Variants in DNAH9 observed in about 807,000 individuals in gnomAD.
DNAH9 encodes the protein DNAH9 variant protein.
Under a neutral mutation model 471.6 loss-of-function variants are expected in DNAH9, and 345 were observed. The observed-to-expected ratio is 0.73, with a 90% CI of 0.67 to 0.80. The LOEUF is 0.80. DNAH9 is among the 30% of genes least tolerant of loss of function. DNAH9 has a pLI of 0.00. For missense variants in DNAH9, 5,407 were observed against 5,609.2 expected, an observed-to-expected ratio of 0.96 and a Z score of 1.15; for synonymous variants, 2,093 against 2,123.6, an observed-to-expected ratio of 0.99 and a Z score of 0.40.
chr17:11,871,811 G>T, intron 52 of DNAH9, 25 bp downstream of exon 52: 2 of 1,609,724 alleles, frequency 1.2e-6, no homozygotes, highest in South Asian at 2.2e-5. Flanking sequence ...AATTTCTCCC[G>T]ACCACATCAG....
At chr17:11,817,289 T>G (rs904862556) in intron 45 of DNAH9, among the ~76,000 whole-genome samples, 2 of 152,204 alleles carry the variant, frequency 1.3e-5, no homozygotes, top group African/African-American at 4.8e-5. Flanking sequence ...CAGAGGTGTT[T>G]ATCTCCAGAT....
intron 28 of DNAH9, among the ~76,000 whole-genome samples, chr17:11,728,407 A>T (rs2075194023): frequency 6.6e-6 from 1 of 152,078 alleles, no homozygotes; most frequent in South Asian, 2.1e-4. Context: ...GATTTTATGT[A>T]AGCATGCCCC....
chr17:11,620,620 C>A (rs1216386703), intron 6 of DNAH9, among the ~76,000 whole-genome samples: 1 of 151,952 alleles, frequency 6.6e-6, no homozygotes, highest in African/African-American at 2.4e-5. Flanking sequence ...GATCATAGAC[C>A]CATTTAGGAA....
chr17:11,833,996 A>G (rs1226933817), intron 48 of DNAH9, among the ~76,000 whole-genome samples: 1 of 152,184 alleles, frequency 6.6e-6, no homozygotes. Flanking sequence ...ATAGCTACCA[A>G]TGTCAGTGAG....
rs955635632 is a variant in DNAH9 at position 11,797,562 on chromosome 17, T to C, written c.8224-35T>C. The C allele has an allele frequency of 1.9e-6, 3 of 1,566,150 alleles. 1 individual carries two copies. ...CTGTGGAACCAGCCCCAGAAGTCAA[T>C]AATGAGGGCCCTTATTCCTGTGTCT... On this transcript the variant is annotated intron_variant, in intron 42 of 68. Coordinates refer to ENST00000262442, the MANE Select transcript of DNAH9 (RefSeq NM_001372.4).
intron 53 of DNAH9, among the ~76,000 whole-genome samples, chr17:11,875,446 C>T (rs1393380697): frequency 6.6e-6 from 1 of 152,178 alleles, no homozygotes; most frequent in East Asian, 1.9e-4. Context: ...CCCTTGAGCT[C>T]ATCCTCTCAT....
intron 49 of DNAH9, among the ~76,000 whole-genome samples, chr17:11,847,958 C>T (rs977980180): frequency 6.6e-6 from 1 of 151,846 alleles, no homozygotes; most frequent in African/African-American, 2.4e-5. Flanking sequence ...AGGGCTCCTT[C>T]TCCAGAGGGC....
At chr17:11,820,419 T>A (rs1027614751) in intron 45 of DNAH9, among the ~76,000 whole-genome samples, 4 of 151,818 alleles carry the variant, frequency 2.6e-5, no homozygotes, top group African/African-American at 9.7e-5. Flanking sequence ...AAAAAAAAAA[T>A]AAGGTGTAGT....
At chr17:11,658,972 G>A (rs549895677) in intron 14 of DNAH9, among the ~76,000 whole-genome samples, 3 of 152,044 alleles carry the variant, frequency 2.0e-5, no homozygotes, top group East Asian at 3.9e-4. Flanking sequence ...TGATGTTCTT[G>A]TTTCGGTGTT....
At chr17:11,675,665 C>G (rs1322769175) in intron 17 of DNAH9, among the ~76,000 whole-genome samples, 1 of 152,130 alleles carries the variant, frequency 6.6e-6, no homozygotes, top group South Asian at 2.1e-4. Context: ...AAAATTGTAT[C>G]AAGTGTTTTA....
intron 6 of DNAH9, among the ~76,000 whole-genome samples, chr17:11,621,775 G>C (rs2072872078): frequency 6.6e-6 from 1 of 152,096 alleles, no homozygotes. Context: ...GGGATATACT[G>C]ACTGCTATCA....
chr17:11,644,527 C>T, intron 10 of DNAH9, 104 bp from the exon 11 acceptor site: 1 of 808,336 alleles, frequency 1.2e-6, no homozygotes, highest in Non-Finnish European at 2.0e-6. Context: ...GGAAACGAGC[C>T]AAGGAGCTAT....
chr17:11,818,936 T>C (rs1970209346), intron 45 of DNAH9, among the ~76,000 whole-genome samples: 1 of 151,460 alleles, frequency 6.6e-6, no homozygotes, highest in South Asian at 2.1e-4. Context: ...TTTTCCTCCA[T>C]TATTACCATT....
At chr17:11,611,316 C>T (rs2072632380) in intron 3 of DNAH9, among the ~76,000 whole-genome samples, 1 of 152,228 alleles carries the variant, frequency 6.6e-6, no homozygotes, top group African/African-American at 2.4e-5. Flanking sequence ...TACTGCAAGG[C>T]CCTTCTCTTA....
chr17:11,962,246 G>A lies in DNAH9; in HGVS notation c.13223G>A (p.Trp4408Ter). ...IHGLFMEGAC[W>*]DTQAGIITEA... ...GGCCTCTTCATGGAAGGTGCCTGCT[G>A]GGACACACAGGTAAAGCTTGGAATG... Residue 4408 changes from tryptophan (W) to a stop codon, truncating the protein, a stop_gained, in exon 68 of 69, where the codon TGG becomes TAG. Coordinates refer to ENST00000262442, the MANE Select transcript of DNAH9 (RefSeq NM_001372.4). LOFTEE classifies it high-confidence loss of function. The surrounding 1 kb of genome is among the most constrained non-coding windows in gnomAD (Gnocchi z 4.1). 6.2e-7 allele frequency: 1 copy of A among 1,603,156 alleles called. No homozygotes were observed. Among genetic ancestry groups the A allele is most frequent in the African/African-American group, 1.3e-5 (1 of 74,776 alleles).
In DNAH9 at chr17:11,619,765, A is replaced by T. The variant is rs9892256; in HGVS notation, c.1334A>T (p.Gln445Leu). 6.2e-7 allele frequency: 1 copy of T among 1,610,654 alleles called. No individual in the cohort carries two copies. The change falls in exon 6 of 69, where the codon CAA becomes CTA. Residue 445 changes from glutamine (Q) to leucine (L), a missense_variant. This residue lies in a region of DNAH9 where 767 missense variants were observed against 692.5 expected (regional missense o/e 1.11). Transcript: ENST00000262442. ...GTGCGATTGGATGGCTTCCTGGGAC[A>T]ACTGCACGTGGTGGAGGTGAGTGCG... ...VFVRLDGFLGQLHVVEGLLKT... is the reference protein window; with the variant it reads ...VFVRLDGFLGLLHVVEGLLKT...
intron 13 of DNAH9, among the ~76,000 whole-genome samples, chr17:11,652,069 A>G (rs550700851): frequency 9.8e-5 from 15 of 152,286 alleles, no homozygotes; most frequent in African/African-American, 3.1e-4. Flanking sequence ...ACTTTATTTC[A>G]TATACAAGAG....
chr17:11,643,838 T>G (rs1412747756), intron 10 of DNAH9, among the ~76,000 whole-genome samples: 1 of 152,244 alleles, frequency 6.6e-6, no homozygotes, highest in Non-Finnish European at 1.5e-5. Context: ...AGCGAGTGAC[T>G]GTCCTGAGTA....
intron 39 of DNAH9, among the ~76,000 whole-genome samples, chr17:11,782,000 A>G (rs1968691649): frequency 6.6e-6 from 1 of 152,080 alleles, no homozygotes; most frequent in East Asian, 1.9e-4. Context: ...GGAAAAAAAA[A>G]AAAAGCAAGT....
Sources: gnomAD v4.1 joint callset for allele counts (sites outside exome capture counted in the v4.1 genomes callset) on GRCh38, gnomAD v4.1.1 for gene constraint, gnomAD v4.1.1 regional missense constraint, Gnocchi (gnomAD v3.1) non-coding constraint, MANE v1.5 for transcripts, NCBI Gene and HGNC (gene_info 2026-07-23, HGNC 2026-07-21) for gene names.